The following KANSL1 variants were observed in gnomAD, a reference collection of about 807,000 sequenced individuals.
The protein encoded by KANSL1 is KAT8 regulatory NSL complex subunit 1, also known as MLL1/MLL complex subunit KANSL1.
KANSL1 carries 22 observed loss-of-function variants against 103.6 expected under a neutral mutation model. That is an observed-to-expected ratio of 0.21 (90% confidence interval 0.15 to 0.30). KANSL1 has a LOEUF of 0.30. Among genes scored for constraint, KANSL1 ranks in the 10% least tolerant of loss-of-function variants. The pLI, the probability that KANSL1 is intolerant of heterozygous loss-of-function variation, is 1.00. For missense variants in KANSL1, 1,337 were observed against 1,399.8 expected, an observed-to-expected ratio of 0.96 and a Z score of 0.72; for synonymous variants, 600 against 527.6, an observed-to-expected ratio of 1.14 and a Z score of -1.88.
In KANSL1 at chr17:46,170,725, T is replaced by C. The variant is rs970203412; in HGVS notation, c.1289+130A>G. ...TGTATATGCACTCATCTACCCAACA[T>C]CAGGGAAAAAACAAACAGAACCTAG... On this transcript the variant is annotated intron_variant, in intron 2 of 14. Coordinates refer to ENST00000432791, the MANE Select transcript of KANSL1 (RefSeq NM_015443.4). 7.6e-6 allele frequency: 8 copies of C among 1,058,428 alleles called. No individual in the cohort carries two copies. In the Admixed American group the frequency reaches 1.9e-4, roughly 25 times the overall value. The allele number at this position is 1,058,428 out of a possible 1,614,324, so 65.6% of individuals were successfully genotyped here.
At chr17:46,058,333 T>C (rs1008990208) in intron 6 of KANSL1, among the ~76,000 whole-genome samples, 7 of 152,120 alleles carry the variant, frequency 4.6e-5, no homozygotes, top group Non-Finnish European at 8.8e-5. Context: ...CAAAGTTGCA[T>C]AGAGAATTCA....
chr17:46,088,571 CAA>C (rs1397131127), intron 3 of KANSL1: 1 of 152,108 alleles, frequency 6.6e-6, no homozygotes, highest in African/African-American at 2.4e-5. Flanking sequence ...TGTGTAATCT[CAA>C]AGAGTAGTCA....
intron 10 of KANSL1, 159 bp downstream of exon 10, chr17:46,038,379 C>A: frequency 1.3e-6 from 1 of 756,850 alleles, no homozygotes; most frequent in Non-Finnish European, 2.1e-6. Context: ...ATGACTTTGA[C>A]TTAAAAATGG....
chr17:46,141,908 A>G (rs2044441438), intron 2 of KANSL1, among the ~76,000 whole-genome samples: 1 of 152,154 alleles, frequency 6.6e-6, no homozygotes, highest in Non-Finnish European at 1.5e-5. Context: ...TCTTTTTTTC[A>G]GACAAGTCTC....
chr17:46,031,830 T>TG (rs1290255216), intron 14 of KANSL1, 127 bp from the exon 15 acceptor site: 1 of 1,053,516 alleles, frequency 9.5e-7, no homozygotes, highest in Admixed American at 2.5e-5. Flanking sequence ...TGCGACAGTC[T>TG]GGGAACACCC....
chr17:46,181,415 C>A (rs943573808), intron 1 of KANSL1, among the ~76,000 whole-genome samples: 1 of 151,968 alleles, frequency 6.6e-6, no homozygotes, highest in African/African-American at 2.4e-5. Context: ...CTTTCCTACT[C>A]TGAACAAGTT....
chr17:46,059,659 G>GAGAGAGAGAA, intron 6 of KANSL1, among the ~76,000 whole-genome samples: 1 of 145,538 alleles, frequency 6.9e-6, no homozygotes, highest in South Asian at 2.2e-4. Flanking sequence ...GAGAGAGAGA[G>GAGAGAGAGAA]AGAGAGAAAA....
At chr17:46,167,158 ATAT>A (rs1567756449) in intron 2 of KANSL1, among the ~76,000 whole-genome samples, 1 of 152,134 alleles carries the variant, frequency 6.6e-6, no homozygotes, top group Non-Finnish European at 1.5e-5. Context: ...TGGAAAAAAA[ATAT>A]TATTTTAACA....
chr17:46,156,456 C>T (rs941290600), intron 2 of KANSL1, among the ~76,000 whole-genome samples: 1 of 152,250 alleles, frequency 6.6e-6, no homozygotes, highest in African/African-American at 2.4e-5. Context: ...CTAGATCCAT[C>T]TCTTCTCAGG....
In KANSL1 at chr17:46,193,196, C is replaced by G. The variant is rs2047444629; in HGVS notation, c.-463G>C. On this transcript the variant is annotated 5_prime_UTR_variant, in exon 1 of 15. Coordinates refer to ENST00000432791, the MANE Select transcript of KANSL1 (RefSeq NM_015443.4). ...CCCCCCGCCCCGCACAAACAAGCAC[C>G]GCCGTCTGCAGCCCGAACCCGCACC... 6.6e-6 allele frequency: 1 copy of G among 152,214 alleles called. No homozygotes were observed. Among genetic ancestry groups the G allele is most frequent in the African/African-American group, 2.4e-5 (1 of 41,406 alleles). 9.4% of individuals were successfully genotyped at this position (152,214 alleles called of 1,614,324 possible). A position where few individuals can be genotyped will look rare whatever the true frequency, so the allele number is the denominator to read the frequency against.
At chr17:46,149,830 T>C (rs2696580) in intron 2 of KANSL1, among the ~76,000 whole-genome samples, 21,924 of 150,220 alleles carry the variant, frequency 0.15, 2,144 homozygotes, top group Middle Eastern at 0.22. Context: ...GTAGTAGAGA[T>C]GATGAAACCC....
chr17:46,122,783 C>T (rs1271028180), intron 2 of KANSL1, among the ~76,000 whole-genome samples: 1 of 152,298 alleles, frequency 6.6e-6, no homozygotes, highest in East Asian at 1.9e-4. Flanking sequence ...GATCAGTGAT[C>T]TCTGACACTG....
At chr17:46,213,637 C>T (rs983346473) in intron 1 of KANSL1, among the ~76,000 whole-genome samples, 4 of 149,046 alleles carry the variant, frequency 2.7e-5, no homozygotes, top group South Asian at 4.6e-4. Flanking sequence ...AGGAACTAGG[C>T]GGGGTGCAGT....
intron 2 of KANSL1, among the ~76,000 whole-genome samples, chr17:46,167,132 C>G (rs1235182472): frequency 6.7e-6 from 1 of 148,834 alleles, no homozygotes; most frequent in African/African-American, 2.5e-5. Context: ...TTTAAGAGCA[C>G]AATTAAGAGA....
intron 4 of KANSL1, among the ~76,000 whole-genome samples, chr17:46,068,299 C>T (rs2078454895): frequency 6.6e-6 from 1 of 152,018 alleles, no homozygotes; most frequent in Non-Finnish European, 1.5e-5. Context: ...GATGGTGGCT[C>T]ATGACTGTAA....
chr17:46,098,775 T>C (rs1273316454), intron 2 of KANSL1, among the ~76,000 whole-genome samples: 2 of 152,276 alleles, frequency 1.3e-5, no homozygotes, highest in Non-Finnish European at 2.9e-5. Context: ...TGTTACAACA[T>C]TATTCTTCCA....
chr17:46,164,763 AAC>A (rs1331601385), intron 2 of KANSL1, among the ~76,000 whole-genome samples: 4 of 152,254 alleles, frequency 2.6e-5, no homozygotes, highest in African/African-American at 9.6e-5. Context: ...TTTAAAGATA[AAC>A]AGTCACATTT....
intron 2 of KANSL1, among the ~76,000 whole-genome samples, chr17:46,120,590 T>C (rs1231715714): frequency 1.3e-5 from 2 of 152,120 alleles, no homozygotes; most frequent in Non-Finnish European, 2.9e-5. Flanking sequence ...AAAGAAAACA[T>C]GATAGTGTAA....
At position 46,038,597 on chromosome 17, in the gene KANSL1, T is replaced by C. The variant is rs2077220627; in HGVS notation, c.2482A>G (p.Thr828Ala). 1.2e-6 allele frequency: 2 copies of C among 1,613,704 alleles called. No homozygotes were observed. The highest frequency in any genetic ancestry group is 2.2e-5 in the South Asian group (2 of 91,068). The change falls in exon 10 of 15, where the codon ACC becomes GCC. Residue 828 changes from threonine (T) to alanine (A), a missense_variant. By Grantham distance (58) the Thr-to-Ala change is moderately conservative (BLOSUM62 0). This residue lies in a region of KANSL1 where 780 missense variants were observed against 923.4 expected (regional missense o/e 0.84). Transcript: ENST00000432791. ...GCGGGTGCAGGGGAATCTGAGGAGG[T>C]GGAGAGCTGTCGCACCAAGGGACTG... ...PHSPLVRQLS[T>A]SSDSPAPASS...
Sources: gnomAD v4.1 joint callset for allele counts (sites outside exome capture counted in the v4.1 genomes callset) on GRCh38, gnomAD v4.1.1 for gene constraint, gnomAD v4.1.1 regional missense constraint, MANE v1.5 for transcripts, NCBI Gene and HGNC (gene_info 2026-07-23, HGNC 2026-07-21) for gene names.